Variants in RYR1 observed in about 807,000 individuals in gnomAD.
The protein encoded by RYR1 is central core disease of muscle.
In RYR1, 342 loss-of-function variants were observed where a neutral mutation model predicts 583.5. The observed-to-expected ratio is 0.59, with a 90% CI of 0.54 to 0.64. RYR1 has a LOEUF of 0.64. RYR1 is among the 30% of genes least tolerant of loss of function. The pLI is 0.00. For synonymous variants in RYR1, 2,791 were observed against 2,822.5 expected (o/e 0.99, Z 0.35); for missense variants, 6,032 against 6,917.2 (o/e 0.87, Z 4.54).
At position 38,485,666 on chromosome 19, in the gene RYR1, G is replaced by T; in HGVS notation, c.5011G>T (p.Ala1671Ser). Residue 1671 changes from alanine to serine, a missense_variant, in exon 34 of 106, where the codon GCT becomes TCT. Physicochemically the swap from Ala to Ser is moderately conservative, Grantham distance 99 (BLOSUM62 1). Around this residue, in one of 11 missense-constraint regions of RYR1, gnomAD observed 2,627 missense variants for 2,961.3 expected, o/e 0.89. Transcript: ENST00000359596. ...CTCGCACACCCTGCGCCTCTACCGC[G>T]CTGTGTGCGCCCTGGGCAACAATCG... ...FHSHTLRLYRAVCALGNNRVA... is the reference protein window; with the variant it reads ...FHSHTLRLYRSVCALGNNRVA... 1 of 1,610,682 alleles carries T rather than the reference G, an allele frequency of 6.2e-7. No homozygotes were observed. The highest frequency in any genetic ancestry group is 8.5e-7 in the Non-Finnish European group (1 of 1,179,878).
chr19:38,443,498 CT>C, intron 3 of RYR1, 59 bp from the exon 4 acceptor site: 1 of 1,509,638 alleles, frequency 6.6e-7, no homozygotes, highest in Admixed American at 1.8e-5. Flanking sequence ...GGCCAGACCT[CT>C]TGGGGATCTG....
chr19:38,502,793 AGGG>A lies in RYR1; in HGVS notation c.7835+68_7835+70del, dbSNP rs1469230469. ...CAGGGGCAGGGGCAGGGGCAGGGGC[AGGG>A]GCAGGGGCAGGGGGAGGAGCAGGGG... On this transcript the variant is annotated intron_variant, in intron 48 of 105. Coordinates refer to ENST00000359596, the MANE Select transcript of RYR1 (RefSeq NM_000540.3). 1.1e-4 allele frequency: 42 copies of A among 391,504 alleles called. 2 individuals carry two copies. The highest frequency in any genetic ancestry group is 1.2e-4 in the Non-Finnish European group (30 of 252,652). 24.3% of individuals were successfully genotyped at this position (391,504 alleles called of 1,614,324 possible).
chr19:38,567,897 G>A lies in RYR1; in HGVS notation c.13639G>A (p.Val4547Met), dbSNP rs907229842. 5 of 1,613,566 alleles carry A rather than the reference G, an allele frequency of 3.1e-6. No homozygotes were observed. Among genetic ancestry groups the A allele is most frequent in the Admixed American group, 1.7e-5 (1 of 59,988 alleles). ...AGGCGAATTCTGGGGAGAACTGGAG[G>A]TGCAGAGGGTGAAGTTCCTGGTAAG... ...AGGEFWGELE[V>M]QRVKFLNYLS... The change falls in exon 93 of 106, where the codon GTG becomes ATG. Residue 4547 changes from valine to methionine, a missense_variant. Transcript: ENST00000359596.
Position 38,496,265 on chromosome 19 carries a change from C to G in RYR1, c.6599C>G (p.Ala2200Gly), listed in dbSNP as rs193922791. 9 of 1,613,966 alleles carry G rather than the reference C, an allele frequency of 5.6e-6. No individual in the cohort carries two copies. The highest frequency in any genetic ancestry group is 7.6e-6 in the Non-Finnish European group (9 of 1,180,028). Residue 2200 changes from alanine (A) to glycine (G), a missense_variant, in exon 40 of 106, where the codon GCG becomes GGG. By Grantham distance (60) the Ala-to-Gly change is moderately conservative. Around this residue, in one of 11 missense-constraint regions of RYR1, gnomAD observed 2,627 missense variants for 2,961.3 expected, o/e 0.89. Coordinates refer to ENST00000359596, the MANE Select transcript of RYR1 (RefSeq NM_000540.3). This position sits in a 1 kb window ranked among gnomAD's most constrained non-coding sequence, Gnocchi z 4.8. ...TACCAACACCCGAACCTGATGAGGG[C>G]GCTGGGCATGCACGAGACGGTCATG... The part of the protein sequence containing the change: ...VFYQHPNLMR[A>G]LGMHETVMEV...
In RYR1 at chr19:38,505,912, A is replaced by C. The variant is rs1970424014; in HGVS notation, c.8507A>C (p.Lys2836Thr). 6.2e-7 allele frequency: 1 copy of C among 1,613,686 alleles called. No homozygotes were observed. The highest frequency in any genetic ancestry group is 1.7e-5 in the Admixed American group (1 of 59,962). ...AREGEEEKTEKKKTRKISQSA... is the reference protein window; with the variant it reads ...AREGEEEKTETKKTRKISQSA... ...GAGGGTGAGGAGGAGAAGACGGAAA[A>C]GAAAAAAACGCGGAAGATATCACAA... The change falls in exon 54 of 106, where the codon AAG becomes ACG. Residue 2836 changes from lysine (K) to threonine (T), a missense_variant. Transcript: ENST00000359596.
Position 38,532,737 on chromosome 19 carries a change from G to A in RYR1, c.11259+1G>A. 6.2e-7 allele frequency: 1 copy of A among 1,613,970 alleles called. No individual in the cohort carries two copies. Among genetic ancestry groups the A allele is most frequent in the Non-Finnish European group, 8.5e-7 (1 of 1,179,996 alleles). On this transcript the variant is annotated splice_donor_variant, in intron 78 of 105. Transcript: ENST00000359596. LOFTEE classifies it high-confidence loss of function. ...AGAGGAGGTTGAGGTCTCCTTTGAG[G>A]TAGGTGGGCTCAGGAGGTCCTGGAG...
chr19:38,500,095 A>T lies in RYR1; in HGVS notation c.7323+79A>T. ...GAACGCCTCATGCAGGCACTCGGTGACACGGAGTGAGCTCCCATATGTGGG... is the reference window on the plus strand; with the variant it reads ...GAACGCCTCATGCAGGCACTCGGTGTCACGGAGTGAGCTCCCATATGTGGG... On this transcript the variant is annotated intron_variant, in intron 45 of 105. Transcript: ENST00000359596. The surrounding 1 kb of genome is among the most constrained non-coding windows in gnomAD (Gnocchi z 5.9). The T allele has an allele frequency of 1.3e-5, 16 of 1,229,718 alleles. No individual in the cohort carries two copies. The highest frequency in any genetic ancestry group is 1.8e-5 in the Non-Finnish European group (15 of 845,522). The allele number at this position is 1,229,718 out of a possible 1,614,324, so 76.2% of individuals were successfully genotyped here.
chr19:38,554,778 C>G (rs1972811782), intron 89 of RYR1, among the ~76,000 whole-genome samples: 1 of 152,090 alleles, frequency 6.6e-6, no homozygotes, highest in Admixed American at 6.6e-5. Context: ...CAACAGAAAC[C>G]ACATTTTAGG....
At chr19:38,546,584 A>C in intron 88 of RYR1, 58 bp downstream of exon 88, 2 of 1,424,900 alleles carry the variant, frequency 1.4e-6, no homozygotes, top group Non-Finnish European at 2.0e-6. Flanking sequence ...AAGCCTGAGA[A>C]TGGCCCCCTG....
At position 38,483,594 on chromosome 19, in the gene RYR1, C is replaced by A; in HGVS notation, c.4934+78C>A. On this transcript the variant is annotated intron_variant, in intron 33 of 105. Coordinates refer to ENST00000359596, the MANE Select transcript of RYR1 (RefSeq NM_000540.3). This position sits in a 1 kb window ranked among gnomAD's most constrained non-coding sequence, Gnocchi z 6.3. Reference sequence around the variant, plus strand: ...GGTCTGGGTCCCACTCAGTGCCCCTCCTCAACACAACCCCGGGATTCCAGA... The same window carrying A: ...GGTCTGGGTCCCACTCAGTGCCCCTACTCAACACAACCCCGGGATTCCAGA... The A allele has an allele frequency of 7.8e-7, 1 of 1,276,320 alleles. No individual in the cohort carries two copies. The highest frequency in any genetic ancestry group is 1.1e-6 in the Non-Finnish European group (1 of 913,688). 79.1% of individuals were successfully genotyped at this position (1,276,320 alleles called of 1,614,324 possible). A position where few individuals can be genotyped will look rare whatever the true frequency, so the allele number is the denominator to read the frequency against.
In RYR1 at chr19:38,496,922, G is replaced by A. The variant is rs773423118; in HGVS notation, c.6859G>A (p.Ala2287Thr). 5 of 1,613,506 alleles carry A rather than the reference G, an allele frequency of 3.1e-6. No individual in the cohort carries two copies. Among genetic ancestry groups the A allele is most frequent in the Non-Finnish European group, 4.2e-6 (5 of 1,179,992 alleles). ...CTCCGTCATTGACAACAATGAGCTG[G>A]CCTTGGCATTGCAGGAGCAGGACCT... is the stretch of plus-strand genomic sequence containing the variant. ...AASVIDNNEL[A>T]LALQEQDLEK... The change falls in exon 42 of 106, where the codon GCC becomes ACC. Residue 2287 changes from alanine to threonine, a missense_variant. Transcript: ENST00000359596. This position sits in a 1 kb window ranked among gnomAD's most constrained non-coding sequence, Gnocchi z 4.8.
Position 38,490,128 on chromosome 19 carries a change from A to G in RYR1, c.5867A>G (p.Glu1956Gly). 1 of 1,614,212 alleles carries G rather than the reference A, an allele frequency of 6.2e-7. No homozygotes were observed. The highest frequency in any genetic ancestry group is 1.7e-4 in the Middle Eastern group (1 of 6,060). Residue 1956 changes from glutamate (E) to glycine (G), a missense_variant, in exon 36 of 106, where the codon GAG becomes GGG. Transcript: ENST00000359596. ...GACCAAGAGCTGCAGCACCGTGTGG[A>G]GTCCCTGGCAGCCTTTGCGGAGCGC... ...FCDQELQHRV[E>G]SLAAFAERYV...
Position 38,543,848 on chromosome 19 carries a change from C to G in RYR1, c.11985C>G (p.Phe3995Leu), listed in dbSNP as rs536629932. The G allele has an allele frequency of 2.5e-6, 4 of 1,613,778 alleles. No individual in the cohort carries two copies. The South Asian group carries it at 3.3e-5, about 13-fold the overall frequency. ...CAGTGGTGGGATTCCTGCACGTGTT[C>G]GCCCACATGATGATGAAGCTCGCTC... Reference protein sequence around the residue: ...WDAVVGFLHVFAHMMMKLAQD... With the variant: ...WDAVVGFLHVLAHMMMKLAQD... The change falls in exon 87 of 106, where the codon TTC becomes TTG. Residue 3995 changes from phenylalanine to leucine, a missense_variant. Transcript: ENST00000359596. The surrounding 1 kb of genome is among the most constrained non-coding windows in gnomAD (Gnocchi z 4.4).
At chr19:38,501,045 G>A (rs2145607059) in intron 47 of RYR1, 55 bp downstream of exon 47, 1 of 1,573,208 alleles carries the variant, frequency 6.4e-7, no homozygotes, top group East Asian at 2.2e-5. Context: ...AGGGACAGGA[G>A]ATGGGTCACG....
In RYR1 at chr19:38,444,605, G is replaced by A. The variant is rs1014768250; in HGVS notation, c.559G>A (p.Glu187Lys). ...RYLHLSTASG[E>K]LQVDASFMQT... ...CCAGCACCTGTCGACCGCCAGTGGG[G>A]AGCTCCAGGTTGACGCTTCCTTCAT... is the stretch of plus-strand genomic sequence containing the variant. The change falls in exon 7 of 106, where the codon GAG (glutamate) becomes AAG (lysine). Residue 187 changes from glutamate (E) to lysine (K), a missense_variant. Transcript: ENST00000359596. The surrounding 1 kb of genome is among the most constrained non-coding windows in gnomAD (Gnocchi z 5.1). 1 of 1,613,952 alleles carries A rather than the reference G, an allele frequency of 6.2e-7. No individual in the cohort carries two copies.
At chr19:38,503,057 G>T (rs1278711521) in intron 49 of RYR1, 87 bp downstream of exon 49, 2 of 1,321,022 alleles carry the variant, frequency 1.5e-6, no homozygotes, top group East Asian at 4.7e-5. Context: ...CATTTGTGTC[G>T]GCACTGCCCA....
intron 82 of RYR1, 52 bp from the exon 83 acceptor site, chr19:38,536,698 C>G (rs1280153045): frequency 1.9e-6 from 3 of 1,611,570 alleles, no homozygotes; most frequent in South Asian, 2.2e-5. Flanking sequence ...GTCTCCCTCT[C>G]TTTTTCTCTC....
At position 38,543,748 on chromosome 19, in the gene RYR1, C is replaced by T. The variant is rs2292798; in HGVS notation, c.11908-23C>T. The T allele has an allele frequency of 0.023, 36,987 of 1,611,654 alleles. 830 individuals are homozygous for T. The highest frequency in any genetic ancestry group is 0.099 in the Admixed American group (5,967 of 59,988). ...CCCTTCTCGGGGATTCCCTTCCCCC[C>T]CACACGGCACTCTGCCTCCCAGGGT... On this transcript the variant is annotated intron_variant, in intron 86 of 105. Coordinates refer to ENST00000359596, the MANE Select transcript of RYR1 (RefSeq NM_000540.3). The surrounding 1 kb of genome is among the most constrained non-coding windows in gnomAD (Gnocchi z 4.4).
At chr19:38,457,692 G>T (rs1475817491) in intron 17 of RYR1, 62 bp downstream of exon 17, 1 of 1,536,928 alleles carries the variant, frequency 6.5e-7, no homozygotes, top group East Asian at 2.3e-5. Flanking sequence ...CTGACTTAGA[G>T]ACTCCACACC....
Sources: allele counts gnomAD v4.1 joint callset (sites outside exome capture counted in the v4.1 genomes callset), GRCh38; gene constraint gnomAD v4.1.1; regional missense constraint gnomAD v4.1.1; non-coding constraint Gnocchi (gnomAD v3.1); transcripts MANE v1.5; gene names NCBI Gene and HGNC (gene_info 2026-07-23, HGNC 2026-07-21).